PRKCB: variants seen among roughly 807,000 people sequenced by gnomAD.
PRKCB encodes protein kinase C beta type.
In PRKCB, 13 loss-of-function variants were observed where a neutral mutation model predicts 81.5. The observed-to-expected ratio is 0.16, with a 90% CI of 0.10 to 0.25. The LOEUF (loss-of-function observed/expected upper bound fraction) is 0.25, where lower values mean the gene tolerates loss of function less well. Among genes scored for constraint, PRKCB ranks in the 10% least tolerant of loss-of-function variants. The probability of loss-of-function intolerance (pLI) is 1.00; values close to 1 mark genes in which losing one functional copy is unlikely to be tolerated. For synonymous variants in PRKCB, 335 were observed against 321.4 expected, an observed-to-expected ratio of 1.04 and a Z score of -0.45; for missense variants, 509 against 875.7, an observed-to-expected ratio of 0.58 and a Z score of 5.29.
At chr16:23,902,530 C>A (rs1963488980) in intron 2 of PRKCB, among the ~76,000 whole-genome samples, 2 of 152,218 alleles carry the variant, frequency 1.3e-5, no homozygotes, top group South Asian at 4.2e-4. Context: ...GAGGAATAAG[C>A]ACTGTTATAG....
At chr16:23,980,184 T>G (rs941045255) in intron 2 of PRKCB, among the ~76,000 whole-genome samples, 2 of 152,242 alleles carry the variant, frequency 1.3e-5, no homozygotes, top group Non-Finnish European at 2.9e-5. Flanking sequence ...CTCAATAGCA[T>G]GACCCTGTGA....
At chr16:24,204,709 T>TA (rs1212778856) in intron 16 of PRKCB, among the ~76,000 whole-genome samples, 2 of 152,200 alleles carry the variant, frequency 1.3e-5, no homozygotes, top group East Asian at 3.8e-4. Context: ...CACCTTTGTC[T>TA]AAAAACTAAA....
intron 3 of PRKCB, among the ~76,000 whole-genome samples, chr16:24,018,021 C>T (rs2141842311): frequency 6.6e-6 from 1 of 151,712 alleles, no homozygotes; most frequent in African/African-American, 2.4e-5. Flanking sequence ...GCCTCAGCCT[C>T]CCGAGTAGCT....
chr16:23,982,284 C>T (rs1406133469), intron 2 of PRKCB, among the ~76,000 whole-genome samples: 3 of 84,762 alleles, frequency 3.5e-5, no homozygotes, highest in African/African-American at 1.4e-4. Flanking sequence ...TTCCCTTCTC[C>T]TTCCCTTCCC....
chr16:24,212,229 A>T (rs1268505954), intron 16 of PRKCB, among the ~76,000 whole-genome samples: 1 of 152,078 alleles, frequency 6.6e-6, no homozygotes, highest in African/African-American at 2.4e-5. Context: ...AGACACTTTA[A>T]GGAGCATTTT....
intron 5 of PRKCB, among the ~76,000 whole-genome samples, chr16:24,061,117 G>C (rs1965968175): frequency 6.6e-6 from 1 of 151,948 alleles, no homozygotes. Context: ...CTGGAGTGCA[G>C]TGGCATGATC....
chr16:24,042,681 G>A (rs528455642), intron 5 of PRKCB, among the ~76,000 whole-genome samples: 1 of 149,702 alleles, frequency 6.7e-6, no homozygotes, highest in Non-Finnish European at 1.5e-5. Flanking sequence ...AAATTTACTT[G>A]TAGGGTTTCT....
At chr16:24,056,586 C>T (rs1349711446) in intron 5 of PRKCB, among the ~76,000 whole-genome samples, 1 of 152,162 alleles carries the variant, frequency 6.6e-6, no homozygotes, top group African/African-American at 2.4e-5. Context: ...GGGGCAGACA[C>T]CTCATGCCTG....
At chr16:24,046,021 A>T (rs1029154661) in intron 5 of PRKCB, among the ~76,000 whole-genome samples, 7 of 152,208 alleles carry the variant, frequency 4.6e-5, no homozygotes, top group Non-Finnish European at 1.0e-4. Flanking sequence ...ACCTGCACCT[A>T]CCTGCATGTC....
chr16:23,902,870 C>T (rs369300210), intron 2 of PRKCB, among the ~76,000 whole-genome samples: 6 of 148,172 alleles, frequency 4.0e-5, no homozygotes, highest in African/African-American at 1.0e-4. Context: ...GTGTCACGAT[C>T]GTAGTTCACT....
chr16:23,927,749 C>T (rs1450799793), intron 2 of PRKCB, among the ~76,000 whole-genome samples: 2 of 151,884 alleles, frequency 1.3e-5, no homozygotes, highest in Non-Finnish European at 2.9e-5. Context: ...AGGGATGGCT[C>T]CCTGGTTTCT....
At chr16:24,110,107 CG>C (rs1367704379) in intron 7 of PRKCB, among the ~76,000 whole-genome samples, 4 of 97,880 alleles carry the variant, frequency 4.1e-5, no homozygotes, top group Non-Finnish European at 5.5e-5. Flanking sequence ...AGAGGGAGAC[CG>C]TGGGGAGAGG....
At chr16:23,846,258 A>G (rs1034547023) in intron 2 of PRKCB, among the ~76,000 whole-genome samples, 5 of 126,328 alleles carry the variant, frequency 4.0e-5, no homozygotes, top group African/African-American at 1.2e-4. Flanking sequence ...CACTTAGTAG[A>G]TATCTGTTGA....
At chr16:24,047,749 A>G (rs1309613290) in intron 5 of PRKCB, among the ~76,000 whole-genome samples, 2 of 152,236 alleles carry the variant, frequency 1.3e-5, no homozygotes, top group Non-Finnish European at 2.9e-5. Flanking sequence ...CAGCACTGGT[A>G]GTTCTCATAG....
chr16:24,040,980 T>C (rs999051194), intron 5 of PRKCB, among the ~76,000 whole-genome samples: 2 of 152,122 alleles, frequency 1.3e-5, no homozygotes, highest in African/African-American at 4.8e-5. Flanking sequence ...GATCAGGCAA[T>C]ACAATGTCCA....
chr16:23,897,546 G>A (rs1374431456), intron 2 of PRKCB, among the ~76,000 whole-genome samples: 1 of 152,208 alleles, frequency 6.6e-6, no homozygotes, highest in East Asian at 1.9e-4. Flanking sequence ...GCTGTCACCT[G>A]TTGGTGGGTT....
intron 5 of PRKCB, among the ~76,000 whole-genome samples, chr16:24,071,437 A>T (rs1046752459): frequency 6.8e-5 from 6 of 87,782 alleles, no homozygotes; most frequent in African/African-American, 1.6e-4. Flanking sequence ...GACCCTGTCT[A>T]AAAAAAAAAA....
At chr16:23,862,885 G>A (rs1450105650) in intron 2 of PRKCB, among the ~76,000 whole-genome samples, 1 of 152,020 alleles carries the variant, frequency 6.6e-6, no homozygotes, top group Non-Finnish European at 1.5e-5. Context: ...GATTGATAAT[G>A]TTTACTAAAC....
At chr16:24,072,991 A>G (rs1425620749) in intron 5 of PRKCB, among the ~76,000 whole-genome samples, 1 of 152,246 alleles carries the variant, frequency 6.6e-6, no homozygotes, top group Non-Finnish European at 1.5e-5. Context: ...TCTTGATCAG[A>G]GATGATTATC....
Sources: allele counts gnomAD v4.1 joint callset (sites outside exome capture counted in the v4.1 genomes callset), GRCh38; gene constraint gnomAD v4.1.1; transcripts MANE v1.5; gene names NCBI Gene and HGNC (gene_info 2026-07-23, HGNC 2026-07-21).